The following GORASP2 variants were observed in gnomAD, a reference collection of about 807,000 sequenced individuals.
The protein encoded by GORASP2 is golgi reassembly stacking protein 2.
In GORASP2, 22 loss-of-function variants were observed where a neutral mutation model predicts 45.7. That is an observed-to-expected ratio of 0.48 (90% CI 0.34 to 0.69). The LOEUF (loss-of-function observed/expected upper bound fraction) is 0.69, where lower values mean the gene tolerates loss of function less well. GORASP2 is among the 30% of genes least tolerant of loss of function. The pLI, the probability that GORASP2 is intolerant of heterozygous loss-of-function variation, is 0.01. For missense variants in GORASP2, 491 were observed against 562.7 expected (o/e 0.87, Z 1.29); for synonymous variants, 221 against 215.6 (o/e 1.02, Z -0.22).
chr2:170,929,714 C>T, intron 1 of GORASP2: 4 of 591,594 alleles, frequency 6.8e-6, no homozygotes, highest in Non-Finnish European at 9.8e-6. Context: ...ACGGCCTTCT[C>T]TCTCCTCCAC....
rs149592737 is a variant in GORASP2 at position 170,951,890 on chromosome 2, G to A, written c.566+432G>A. Among the ~76,000 whole-genome samples the A allele has an allele frequency of 2.5e-3, 386 of 152,198 alleles. 6 individuals are homozygous for A. Among genetic ancestry groups the A allele is most frequent in the East Asian group, 4.4e-3 (23 of 5,184 alleles). The stretch of plus-strand genomic sequence containing the variant: ...CTGAGATTCTCCAGCTGAATGTTTC[G>A]CCACAAGTATTCTAACTTGTTGCAG... On this transcript the variant is annotated intron_variant, in intron 5 of 9. Coordinates refer to ENST00000234160, the MANE Select transcript of GORASP2 (RefSeq NM_015530.5).
At chr2:170,946,946 A>G (rs1704192587) in intron 1 of GORASP2, among the ~76,000 whole-genome samples, 2 of 152,286 alleles carry the variant, frequency 1.3e-5, no homozygotes, top group South Asian at 2.1e-4. Flanking sequence ...GTCTCAAAAA[A>G]TAAAAATAAA....
At chr2:170,951,491 C>T in intron 5 of GORASP2, 33 bp downstream of exon 5, 1 of 1,504,276 alleles carries the variant, frequency 6.6e-7, no homozygotes, top group Non-Finnish European at 9.1e-7. Context: ...GTTATGACTG[C>T]TTAAACATAC....
At chr2:170,964,454 A>G (rs1313953675) in intron 9 of GORASP2, among the ~76,000 whole-genome samples, 1 of 152,172 alleles carries the variant, frequency 6.6e-6, no homozygotes, top group Non-Finnish European at 1.5e-5. Flanking sequence ...GAAGTTCGAG[A>G]CCAGCCTGAC....
chr2:170,957,892 C>G (rs556197372), intron 7 of GORASP2, among the ~76,000 whole-genome samples: 1 of 152,308 alleles, frequency 6.6e-6, no homozygotes, highest in Admixed American at 6.5e-5. Context: ...CTCCTGGCCT[C>G]AAGTGATCAT....
chr2:170,943,263 C>G (rs1413490352), intron 1 of GORASP2, among the ~76,000 whole-genome samples: 1 of 152,182 alleles, frequency 6.6e-6, no homozygotes, highest in Non-Finnish European at 1.5e-5. Flanking sequence ...GTTTGTCTCT[C>G]TTTCCTGCTA....
rs1426843116 is a variant in GORASP2 at position 170,966,448 on chromosome 2, G to A, written c.*318G>A. On this transcript the variant is annotated 3_prime_UTR_variant, in exon 10 of 10. Coordinates refer to ENST00000234160, the MANE Select transcript of GORASP2 (RefSeq NM_015530.5). ...AAAGGTGGTGGCGGGGCGTCCACTA[G>A]GTTTCCTGTCCCCTGCTGCTCCTTC... 2 of 432,736 alleles carry A rather than the reference G, an allele frequency of 4.6e-6. No individual in the cohort carries two copies. The highest frequency in any genetic ancestry group is 8.4e-6 in the Non-Finnish European group (2 of 237,842). The allele number at this position is 432,736 out of a possible 1,614,324, so 26.8% of individuals were successfully genotyped here.
chr2:170,963,951 C>A (rs977526661), intron 9 of GORASP2, among the ~76,000 whole-genome samples: 2 of 145,256 alleles, frequency 1.4e-5, no homozygotes, highest in East Asian at 3.9e-4. Flanking sequence ...AGCCAGTATT[C>A]TTCTTTTGTA....
chr2:170,948,192 G>A (rs1409261419), intron 1 of GORASP2, among the ~76,000 whole-genome samples, 158 bp from the exon 2 acceptor site: 1 of 152,100 alleles, frequency 6.6e-6, no homozygotes, highest in East Asian at 1.9e-4. Context: ...GGAGCTGGAC[G>A]GGCATTATCT....
chr2:170,944,466 T>C (rs1370314719), intron 1 of GORASP2, among the ~76,000 whole-genome samples: 1 of 152,170 alleles, frequency 6.6e-6, no homozygotes, highest in Non-Finnish European at 1.5e-5. Context: ...GAAATCGATG[T>C]TAGTAACAAA....
At chr2:170,931,075 C>T (rs946481467) in intron 1 of GORASP2, among the ~76,000 whole-genome samples, 4 of 151,508 alleles carry the variant, frequency 2.6e-5, no homozygotes, top group African/African-American at 4.9e-5. Flanking sequence ...TTTGTATTTT[C>T]TTTATGTAAG....
At chr2:170,961,863 C>T (rs878859170) in intron 8 of GORASP2, 114 bp downstream of exon 8, 14 of 729,064 alleles carry the variant, frequency 1.9e-5, no homozygotes, top group African/African-American at 3.5e-5. Flanking sequence ...GTCTTTTAAT[C>T]TCAGTTTATC....
At chr2:170,956,355 A>G (rs2105325544) in intron 6 of GORASP2, 81 bp from the exon 7 acceptor site, 2 of 1,251,856 alleles carry the variant, frequency 1.6e-6, no homozygotes, top group African/African-American at 1.5e-5. Context: ...ATCTATCTGC[A>G]GGGCAAGTAA....
At chr2:170,932,578 G>A (rs1176745221) in intron 1 of GORASP2, among the ~76,000 whole-genome samples, 1 of 152,174 alleles carries the variant, frequency 6.6e-6, no homozygotes, top group Non-Finnish European at 1.5e-5. Context: ...CTGTAGAAAT[G>A]TTGATCTTTA....
intron 1 of GORASP2, among the ~76,000 whole-genome samples, chr2:170,942,715 T>C (rs1444145784): frequency 6.6e-6 from 1 of 152,228 alleles, no homozygotes; most frequent in Non-Finnish European, 1.5e-5. Flanking sequence ...CTTGGTTATT[T>C]GTATACCTGG....
rs776779471 is a variant in GORASP2, at chr2:170,962,875, C to CCAACCT, written c.961_966dup (p.Asn321_Leu322dup). 14 of 1,613,876 alleles carry CCAACCT rather than the reference C, an allele frequency of 8.7e-6. No homozygotes were observed. The highest frequency in any genetic ancestry group is 1.6e-4 in the Middle Eastern group (1 of 6,084). ...TTACCAGCAGGACTGCCCAACCTCC[C>CCAACCT]CAACCTCAACCTCAACCTCCCAGCA... is the stretch of plus-strand genomic sequence containing the variant. On this transcript the variant is annotated inframe_insertion, in exon 9 of 10. Coordinates refer to ENST00000234160, the MANE Select transcript of GORASP2 (RefSeq NM_015530.5).
intron 9 of GORASP2, 72 bp from the exon 10 acceptor site, chr2:170,965,718 A>G: frequency 9.8e-7 from 1 of 1,015,314 alleles, no homozygotes; most frequent in Non-Finnish European, 1.6e-6. Flanking sequence ...GTAAATAAAA[A>G]TAGCCCTTTG....
chr2:170,936,665 A>G, intron 1 of GORASP2: 1 of 1,298,264 alleles, frequency 7.7e-7, no homozygotes, highest in Non-Finnish European at 1.0e-6. Flanking sequence ...AGAAATAAGG[A>G]AGCTTAAGCC....
chr2:170,929,670 C>T (rs545495927), intron 1 of GORASP2: 2 of 626,304 alleles, frequency 3.2e-6, no homozygotes, highest in African/African-American at 3.8e-5. Context: ...GGGGGCGGCC[C>T]TGGGAAGGGG....
Sources: gnomAD v4.1 joint callset for allele counts (sites outside exome capture counted in the v4.1 genomes callset) on GRCh38, gnomAD v4.1.1 for gene constraint, MANE v1.5 for transcripts, NCBI Gene and HGNC (gene_info 2026-07-23, HGNC 2026-07-21) for gene names.